The following GCFC2 variants were observed in gnomAD, a reference collection of about 807,000 sequenced individuals.
GCFC2 encodes intron Large complex component GCFC2.
GCFC2 carries 102 observed loss-of-function variants against 99.4 expected under a neutral mutation model. The ratio of observed to expected loss-of-function variants is 1.03; its 90% CI spans 0.87 to 1.21. The LOEUF is 1.21. Ranked by LOEUF, GCFC2 falls within the 50% of genes most tolerant of loss-of-function variation. The pLI, the probability that GCFC2 is intolerant of heterozygous loss-of-function variation, is 0.00. For synonymous variants in GCFC2, 338 were observed against 316.8 expected, an observed-to-expected ratio of 1.07 and a Z score of -0.71; for missense variants, 973 against 920.9, an observed-to-expected ratio of 1.06 and a Z score of -0.73.
Position 75,710,841 on chromosome 2 carries a change from C to T in GCFC2, c.15G>A (p.Pro5=), listed in dbSNP as rs748104741. Residue 5 remains proline (P), a synonymous_variant, in exon 1 of 17, where the codon CCG becomes CCA. Transcript: ENST00000321027. ...CCGCGCGCTGCCGAAAAGTCCTTTT[C>T]GGCCTGTGAGCCATGGCCGAGGCCC... MAHR[P]KRTFRQRAAD... The T allele has an allele frequency of 6.3e-6, 10 of 1,575,152 alleles. No individual in the cohort carries two copies. The highest frequency in any genetic ancestry group is 3.4e-5 in the Admixed American group (2 of 58,064).
intron 16 of GCFC2, among the ~76,000 whole-genome samples, 166 bp downstream of exon 16, chr2:75,665,763 T>G (rs1167140796): frequency 6.6e-6 from 1 of 152,208 alleles, no homozygotes; most frequent in Non-Finnish European, 1.5e-5. Context: ...AAAATATGGA[T>G]ATGCATAAGC....
chr2:75,692,146 A>AATATATAT (rs35357470), intron 6 of GCFC2, 46 bp from the exon 7 acceptor site: 14 of 395,478 alleles, frequency 3.5e-5, no homozygotes, highest in Non-Finnish European at 2.5e-5. Flanking sequence ...TCGATAATGA[A>AATATATAT]ATATATATAT....
chr2:75,692,471 A>T (rs866615035), intron 6 of GCFC2, among the ~76,000 whole-genome samples: 1 of 151,762 alleles, frequency 6.6e-6, no homozygotes, highest in Non-Finnish European at 1.5e-5. Context: ...ACATAGCGAA[A>T]CCCCTTCTCT....
chr2:75,683,958 A>G (rs1246585097), intron 11 of GCFC2, among the ~76,000 whole-genome samples: 2 of 152,098 alleles, frequency 1.3e-5, no homozygotes, highest in South Asian at 2.1e-4. Flanking sequence ...ATACAGCAGC[A>G]CTCAGATCAG....
chr2:75,678,930 A>C (rs1419702585), intron 12 of GCFC2, among the ~76,000 whole-genome samples: 2 of 152,116 alleles, frequency 1.3e-5, no homozygotes, highest in South Asian at 2.1e-4. Context: ...CTTGGCCTGA[A>C]GAGATCCTCC....
At chr2:75,669,207 T>G (rs1465157413) in intron 15 of GCFC2, among the ~76,000 whole-genome samples, 1 of 152,200 alleles carries the variant, frequency 6.6e-6, no homozygotes, top group Admixed American at 6.5e-5. Context: ...GTAAAGAGCT[T>G]TTTTATTTAA....
At chr2:75,705,868 T>C (rs1680838320) in intron 2 of GCFC2, among the ~76,000 whole-genome samples, 1 of 152,162 alleles carries the variant, frequency 6.6e-6, no homozygotes, top group Non-Finnish European at 1.5e-5. Flanking sequence ...AGGGTCTTTG[T>C]GGCAACTTCT....
chr2:75,696,321 A>G lies in GCFC2; in HGVS notation c.718-6T>C, dbSNP rs1680324220. On this transcript the variant is annotated splice_region_variant and splice_polypyrimidine_tract_variant and intron_variant, in intron 4 of 16. Transcript: ENST00000321027. Reference sequence around the variant, plus strand: ...GAAAGATCTATGTCTCTTTCCTAAAAAAGTAAAAATAGATTTTTACAAAAC... The same window carrying G: ...GAAAGATCTATGTCTCTTTCCTAAAGAAGTAAAAATAGATTTTTACAAAAC... 1.7e-6 allele frequency: 2 copies of G among 1,148,318 alleles called. No homozygotes were observed. The allele number at this position is 1,148,318 out of a possible 1,614,324, so 71.1% of individuals were successfully genotyped here. A position where few individuals can be genotyped will look rare whatever the true frequency, so the allele number is the denominator to read the frequency against.
Position 75,694,428 on chromosome 2 carries a change from C to CTAAA in GCFC2, c.834-5_834-2dup. 8.0e-7 allele frequency: 1 copy of CTAAA among 1,251,614 alleles called. No homozygotes were observed. The highest frequency in any genetic ancestry group is 1.1e-6 in the Non-Finnish European group (1 of 930,960). The allele number at this position is 1,251,614 out of a possible 1,614,324, so 77.5% of individuals were successfully genotyped here. A position where few individuals can be genotyped will look rare whatever the true frequency, so the allele number is the denominator to read the frequency against. On this transcript the variant is annotated splice_acceptor_variant, in intron 5 of 16. Coordinates refer to ENST00000321027, the MANE Select transcript of GCFC2 (RefSeq NM_003203.5). LOFTEE classifies it high-confidence loss of function. ...GTGAGTTTCCTGTAGTAATGTTAAT[C>CTAAA]TAAATAAATAAAATAAAAATTAGTT... is the stretch of plus-strand genomic sequence containing the variant.
At chr2:75,694,043 T>C (rs967482056) in intron 6 of GCFC2, among the ~76,000 whole-genome samples, 198 bp downstream of exon 6, 1 of 152,118 alleles carries the variant, frequency 6.6e-6, no homozygotes, top group African/African-American at 2.4e-5. Flanking sequence ...CAAAATTTTA[T>C]ACAATGTTAC....
chr2:75,710,259 CTT>C (rs1193072431), intron 1 of GCFC2, among the ~76,000 whole-genome samples: 1 of 152,156 alleles, frequency 6.6e-6, no homozygotes, highest in African/African-American at 2.4e-5. Context: ...AATTATTGAA[CTT>C]TGTTGTGACA....
chr2:75,670,392 C>G (rs1679044460), intron 14 of GCFC2, 108 bp from the exon 15 acceptor site: 1 of 696,140 alleles, frequency 1.4e-6, no homozygotes, highest in African/African-American at 1.8e-5. Flanking sequence ...CTACAATTAG[C>G]CCTGTTGGAA....
intron 14 of GCFC2, among the ~76,000 whole-genome samples, chr2:75,671,631 G>A (rs1285689263): frequency 6.6e-6 from 1 of 152,092 alleles, no homozygotes; most frequent in Non-Finnish European, 1.5e-5. Context: ...TATAGGGTCC[G>A]TGAGCTAAGA....
intron 2 of GCFC2, among the ~76,000 whole-genome samples, chr2:75,703,393 C>A (rs1260577853): frequency 1.3e-5 from 2 of 152,084 alleles, no homozygotes; most frequent in Non-Finnish European, 2.9e-5. Context: ...CACAAAAGCT[C>A]CCATGTTTGA....
intron 13 of GCFC2, among the ~76,000 whole-genome samples, chr2:75,672,484 G>C (rs1023688922): frequency 6.6e-6 from 1 of 151,830 alleles, no homozygotes; most frequent in African/African-American, 2.4e-5. Flanking sequence ...GACATCTCAT[G>C]ATTCAAAATG....
rs530582058 is a variant in GCFC2, at chr2:75,662,818, C to T, written c.*1848G>A. On this transcript the variant is annotated 3_prime_UTR_variant, in exon 17 of 17. Transcript: ENST00000321027. ...CGTCCAACATATTTAGTTAAAAATC[C>T]AAAAGTCAGAGGATAATTTCCAAAT... 6.8e-6 allele frequency: 1 copy of T among 147,952 alleles called. No individual in the cohort carries two copies. Among genetic ancestry groups the T allele is most frequent in the Non-Finnish European group, 1.5e-5 (1 of 67,186 alleles). 9.2% of individuals were successfully genotyped at this position (147,952 alleles called of 1,614,324 possible). A position where few individuals can be genotyped will look rare whatever the true frequency, so the allele number is the denominator to read the frequency against.
Position 75,664,767 on chromosome 2 carries a change from T to C in GCFC2, c.2245A>G (p.Ile749Val), listed in dbSNP as rs1293946631. 8 of 1,520,036 alleles carry C rather than the reference T, an allele frequency of 5.3e-6. No individual in the cohort carries two copies. The highest frequency in any genetic ancestry group is 7.3e-6 in the Non-Finnish European group (8 of 1,097,480). 94.2% of individuals were successfully genotyped at this position (1,520,036 alleles called of 1,614,324 possible). The part of the protein sequence containing the change: ...RSEFRDEVEE[I>V]ILILVKIKAL... ...TTTATTTTCACCAAAATAAGAATTA[T>C]TTCTTCGACTTCATCCCTGAAAAAC... The change falls in exon 17 of 17, where the codon ATA becomes GTA. Residue 749 changes from isoleucine (I) to valine (V), a missense_variant. Transcript: ENST00000321027.
At chr2:75,697,648 T>G (rs1680388990) in intron 4 of GCFC2, 1 of 152,246 alleles carries the variant, frequency 6.6e-6, no homozygotes, top group Non-Finnish European at 1.5e-5. Flanking sequence ...GGTGACCCCA[T>G]GAAAACATGT....
chr2:75,712,045 G>C (rs867622668), upstream of GCFC2, among the ~76,000 whole-genome samples: 9 of 152,384 alleles, frequency 5.9e-5, no homozygotes, highest in Non-Finnish European at 1.3e-4. Flanking sequence ...TCCTGAGTCT[G>C]GTGGGGACAT....
Sources: gnomAD v4.1 joint callset for allele counts (sites outside exome capture counted in the v4.1 genomes callset) on GRCh38, gnomAD v4.1.1 for gene constraint, MANE v1.5 for transcripts, NCBI Gene and HGNC (gene_info 2026-07-23, HGNC 2026-07-21) for gene names.